SERTM1: variants seen among roughly 807,000 people sequenced by gnomAD.
The protein encoded by SERTM1 is serine-rich and transmembrane domain-containing protein 1.
SERTM1 carries 1 observed loss-of-function variant against 5.5 expected under a neutral mutation model. That is an observed-to-expected ratio of 0.18 (90% confidence interval 0.06 to 0.86). The LOEUF (loss-of-function observed/expected upper bound fraction) is 0.86, where lower values mean the gene tolerates loss of function less well. SERTM1 is among the 40% of genes least tolerant of loss of function. The pLI, the probability that SERTM1 is intolerant of heterozygous loss-of-function variation, is 0.69. For synonymous variants in SERTM1, 52 were observed against 55.1 expected, an observed-to-expected ratio of 0.94 and a Z score of 0.25; for missense variants, 91 against 122.4, an observed-to-expected ratio of 0.74 and a Z score of 1.21.
intron 1 of SERTM1, among the ~76,000 whole-genome samples, chr13:36,694,286 G>T (rs933839426): frequency 2.0e-5 from 3 of 152,138 alleles, no homozygotes; most frequent in East Asian, 1.9e-4. Flanking sequence ...TCTAACCTTT[G>T]TTCTTCTTCT....
At chr13:36,689,876 G>A (rs647994) in intron 1 of SERTM1, among the ~76,000 whole-genome samples, 133,093 of 152,102 alleles carry the variant, frequency 0.88, 58,372 homozygotes, top group East Asian at 1. Flanking sequence ...ACAAAGCCTA[G>A]GAGTAATCCA....
chr13:36,694,992 C>T lies in SERTM1; in HGVS notation c.-87C>T, dbSNP rs758344936. The T allele has an allele frequency of 1.5e-5, 14 of 941,718 alleles. No individual in the cohort carries two copies. Among genetic ancestry groups the T allele is most frequent in the East Asian group, 4.8e-5 (2 of 41,460 alleles). 58.3% of individuals were successfully genotyped at this position (941,718 alleles called of 1,614,324 possible). ...AGCCTGTGAATTCTGCAAACACGAT[C>T]GTGAAAAAATGCCAATCTGTCCTGT... On this transcript the variant is annotated 5_prime_UTR_variant, in exon 2 of 2. Transcript: ENST00000315190.
In SERTM1 at chr13:36,695,633, C is replaced by G. The variant is rs1358218773; in HGVS notation, c.*231C>G. ...AAGGTGCAGAATTTCACACAAATGG[C>G]TTGATGAATCTAGACTGGGCTTCTT... On this transcript the variant is annotated 3_prime_UTR_variant, in exon 2 of 2. Coordinates refer to ENST00000315190, the MANE Select transcript of SERTM1 (RefSeq NM_203451.3). 6.9e-6 allele frequency: 4 copies of G among 576,798 alleles called. No individual in the cohort carries two copies. The African/African-American group carries it at 7.5e-5, about 11-fold the overall frequency. 35.7% of individuals were successfully genotyped at this position (576,798 alleles called of 1,614,324 possible). A position where few individuals can be genotyped will look rare whatever the true frequency, so the allele number is the denominator to read the frequency against.
Position 36,695,563 on chromosome 13 carries a change from T to C in SERTM1, c.*161T>C, listed in dbSNP as rs1477767169. 4 of 642,592 alleles carry C rather than the reference T, an allele frequency of 6.2e-6. No homozygotes were observed. The highest frequency in any genetic ancestry group is 5.5e-5 in the African/African-American group (3 of 54,342). The allele number at this position is 642,592 out of a possible 1,614,324, so 39.8% of individuals were successfully genotyped here. On this transcript the variant is annotated 3_prime_UTR_variant, in exon 2 of 2. Transcript: ENST00000315190. ...CTTTTCTGTTCATGATGCTTTTCAT[T>C]TGGGGATGGAGACACCGATGTTGGT...
intron 1 of SERTM1, among the ~76,000 whole-genome samples, chr13:36,679,933 T>C (rs1012488672): frequency 6.6e-6 from 1 of 152,014 alleles, no homozygotes; most frequent in Non-Finnish European, 1.5e-5. Flanking sequence ...CTTTGTTTCA[T>C]GCAAAAAAAA....
intron 1 of SERTM1, among the ~76,000 whole-genome samples, chr13:36,678,271 CAT>C (rs1374453030): frequency 3.3e-5 from 5 of 152,160 alleles, no homozygotes; most frequent in African/African-American, 9.6e-5. Flanking sequence ...CTAACAAAAA[CAT>C]ATGTTAACAG....
intron 1 of SERTM1, among the ~76,000 whole-genome samples, chr13:36,684,294 C>CA (rs200629092): frequency 0.025 from 3,669 of 146,502 alleles, 146 homozygotes; most frequent in African/African-American, 0.082. Flanking sequence ...GAGACTCTGT[C>CA]AAAAAAAAAA....
At chr13:36,679,634 T>C (rs1453036824) in intron 1 of SERTM1, among the ~76,000 whole-genome samples, 1 of 152,180 alleles carries the variant, frequency 6.6e-6, no homozygotes, top group Non-Finnish European at 1.5e-5. Context: ...CTTGAACTCC[T>C]GACTTCAAGT....
At position 36,678,401 on chromosome 13, in the gene SERTM1, A is replaced by G. The variant is rs969193601; in HGVS notation, c.-174+4217A>G. 2.0e-5 allele frequency among the ~76,000 whole-genome samples: 3 copies of G among 151,986 alleles called. No individual in the cohort carries two copies. In the South Asian group the frequency reaches 6.2e-4, roughly 31 times the overall value. On this transcript the variant is annotated intron_variant, in intron 1 of 1. Transcript: ENST00000315190. ...AAAAAATGGAATCATAGTATACACT[A>G]TCATGAAGGTTACTTTCTTGACTTA...
chr13:36,676,563 A>G, intron 1 of SERTM1, among the ~76,000 whole-genome samples: 1 of 152,158 alleles, frequency 6.6e-6, no homozygotes, highest in Non-Finnish European at 1.5e-5. Context: ...GAAAAAATAC[A>G]TTTCTGAATG....
At chr13:36,687,089 C>T (rs1246756403) in intron 1 of SERTM1, among the ~76,000 whole-genome samples, 2 of 152,286 alleles carry the variant, frequency 1.3e-5, no homozygotes, top group South Asian at 2.1e-4. Context: ...TTATGCCAAA[C>T]ACTTGGCTAA....
At chr13:36,693,434 G>A (rs542862329) in intron 1 of SERTM1, among the ~76,000 whole-genome samples, 66 of 149,446 alleles carry the variant, frequency 4.4e-4, no homozygotes, top group South Asian at 2.1e-3. Context: ...GGAACCTATA[G>A]CAGCCTAATG....
chr13:36,690,838 C>T (rs927384478), intron 1 of SERTM1, among the ~76,000 whole-genome samples: 11 of 152,142 alleles, frequency 7.2e-5, no homozygotes, highest in African/African-American at 2.7e-4. Context: ...CCACTTTCCT[C>T]ATGGTTTTGA....
At chr13:36,687,755 AC>A (rs2056751280) in intron 1 of SERTM1, among the ~76,000 whole-genome samples, 1 of 152,124 alleles carries the variant, frequency 6.6e-6, no homozygotes. Context: ...ACACACACAC[AC>A]ACACGCACAC....
chr13:36,680,306 C>A (rs977084506), intron 1 of SERTM1, among the ~76,000 whole-genome samples: 1 of 152,182 alleles, frequency 6.6e-6, no homozygotes, highest in African/African-American at 2.4e-5. Flanking sequence ...ATCTTTCAGT[C>A]TGTTCAAGTG....
intron 1 of SERTM1, among the ~76,000 whole-genome samples, chr13:36,674,419 A>C (rs2056657138): frequency 6.6e-6 from 1 of 151,606 alleles, no homozygotes; most frequent in Non-Finnish European, 1.5e-5. Context: ...CGGCTCTCCG[A>C]GTCTTGGGGT....
intron 1 of SERTM1, among the ~76,000 whole-genome samples, chr13:36,692,321 C>G (rs1233323756): frequency 1.3e-5 from 2 of 152,222 alleles, no homozygotes; most frequent in East Asian, 3.8e-4. Context: ...GAAGTAAAAA[C>G]CTACTCTTAG....
At chr13:36,679,847 C>A (rs1176045276) in intron 1 of SERTM1, among the ~76,000 whole-genome samples, 1 of 152,088 alleles carries the variant, frequency 6.6e-6, no homozygotes, top group African/African-American at 2.4e-5. Context: ...TATGGTGATA[C>A]CAAATAACCA....
chr13:36,676,412 C>T (rs1251108820), intron 1 of SERTM1, among the ~76,000 whole-genome samples: 1 of 151,352 alleles, frequency 6.6e-6, no homozygotes, highest in East Asian at 1.9e-4. Flanking sequence ...TTTGGGGGGT[C>T]CTTTTTTTGT....
Sources: gnomAD v4.1 joint callset for allele counts (sites outside exome capture counted in the v4.1 genomes callset) on GRCh38, gnomAD v4.1.1 for gene constraint, MANE v1.5 for transcripts, NCBI Gene and HGNC (gene_info 2026-07-23, HGNC 2026-07-21) for gene names.